Variants in CYP46A1 observed in about 807,000 individuals in gnomAD.
CYP46A1 encodes cholesterol 24-hydroxylase.
A neutral mutation model predicts 63.3 loss-of-function variants in CYP46A1; 20 were observed. That is an observed-to-expected ratio of 0.32 (90% CI 0.22 to 0.46). The LOEUF is 0.46. Among genes scored for constraint, CYP46A1 ranks in the 20% least tolerant of loss-of-function variants. The pLI is 1.00. For missense variants in CYP46A1, 445 were observed against 670.8 expected (o/e 0.66, Z 3.72); for synonymous variants, 268 against 273.6 (o/e 0.98, Z 0.20).
intron 3 of CYP46A1, among the ~76,000 whole-genome samples, chr14:99,694,087 C>CT (rs35408118): frequency 0.3 from 45,794 of 152,004 alleles, 7,718 homozygotes; most frequent in South Asian, 0.39. Context: ...GGCATTTGTC[C>CT]TTTCGCATCT....
intron 7 of CYP46A1, chr14:99,712,346 T>C (rs529661471): frequency 6.6e-6 from 1 of 151,986 alleles, no homozygotes; most frequent in African/African-American, 2.4e-5. Flanking sequence ...AAAGAAGAAG[T>C]CAAACTGTCC....
At position 99,725,450 on chromosome 14, in the gene CYP46A1, C is replaced by A; in HGVS notation, c.1236C>A (p.Asn412Lys). Reference protein sequence around the residue: ...DTYFEDPLTFNPDRFGPGAPK... With the variant: ...DTYFEDPLTFKPDRFGPGAPK... ...ACTTTGAGGACCCGCTGACTTTCAACCCCGATCGCTTCGGCCCTGGAGCAC... is the reference window on the plus strand; with the variant it reads ...ACTTTGAGGACCCGCTGACTTTCAAACCCGATCGCTTCGGCCCTGGAGCAC... The change falls in exon 13 of 15, where the codon AAC (asparagine) becomes AAA (lysine). Residue 412 changes from asparagine to lysine, a missense_variant. Asn to Lys is a moderately conservative substitution (Grantham distance 94). Around this residue, in one of 4 missense-constraint regions of CYP46A1, gnomAD observed 95 missense variants for 156.9 expected, o/e 0.61. Coordinates refer to ENST00000261835, the MANE Select transcript of CYP46A1 (RefSeq NM_006668.2). This position sits in a 1 kb window ranked among gnomAD's most constrained non-coding sequence, Gnocchi z 4.2. 1 of 1,614,158 alleles carries A rather than the reference C, an allele frequency of 6.2e-7. No individual in the cohort carries two copies. Among genetic ancestry groups the A allele is most frequent in the Non-Finnish European group, 8.5e-7 (1 of 1,179,990 alleles).
chr14:99,692,847 AAG>A (rs908207485), intron 3 of CYP46A1, among the ~76,000 whole-genome samples: 2 of 152,068 alleles, frequency 1.3e-5, no homozygotes, highest in African/African-American at 2.4e-5. Context: ...GAAAAAAAAA[AAG>A]AAGTGAAATG....
At chr14:99,718,227 C>A in intron 10 of CYP46A1, 101 bp downstream of exon 10, 1 of 933,412 alleles carries the variant, frequency 1.1e-6, no homozygotes, top group Non-Finnish European at 1.7e-6. Flanking sequence ...CCTCAACATG[C>A]CCTGCTTCCC....
intron 1 of CYP46A1, among the ~76,000 whole-genome samples, chr14:99,686,739 A>G (rs1409660083): frequency 6.6e-6 from 1 of 152,176 alleles, no homozygotes; most frequent in Non-Finnish European, 1.5e-5. Flanking sequence ...TCTACATGTG[A>G]CCTGAGTGTG....
At chr14:99,707,471 C>T (rs1353087063) in intron 6 of CYP46A1, 97 bp from the exon 7 acceptor site, 1 of 905,964 alleles carries the variant, frequency 1.1e-6, no homozygotes, top group Admixed American at 2.0e-5. Context: ...ACCCTTAGCC[C>T]AGAGTCCAGG....
rs977651014 is a variant in CYP46A1, at chr14:99,726,805, T to C, written c.*78T>C. 42 of 1,226,878 alleles carry C rather than the reference T, an allele frequency of 3.4e-5. No homozygotes were observed. The highest frequency in any genetic ancestry group is 1.5e-4 in the Admixed American group (5 of 33,240). 76.0% of individuals were successfully genotyped at this position (1,226,878 alleles called of 1,614,324 possible). ...CTCTGCTGCCCACGGCCACCCACCC[T>C]TCTCCCCTGCCCCGTCCCCTGGGCC... On this transcript the variant is annotated 3_prime_UTR_variant, in exon 15 of 15. Transcript: ENST00000261835.
At chr14:99,699,964 C>CGCGGGGGG in intron 4 of CYP46A1, 51 bp from the exon 5 acceptor site, 1 of 773,854 alleles carries the variant, frequency 1.3e-6, no homozygotes, top group Non-Finnish European at 2.1e-6. Context: ...ATCAAGCAGT[C>CGCGGGGGG]GCTCCCCACC....
chr14:99,701,081 A>G (rs1416056151), intron 5 of CYP46A1, among the ~76,000 whole-genome samples: 1 of 152,268 alleles, frequency 6.6e-6, no homozygotes, highest in South Asian at 2.1e-4. Flanking sequence ...TTTTTGTACA[A>G]TTGAACAGTG....
intron 1 of CYP46A1, among the ~76,000 whole-genome samples, chr14:99,685,547 G>A (rs1418749280): frequency 2.0e-5 from 3 of 152,064 alleles, no homozygotes; most frequent in Admixed American, 6.5e-5. Flanking sequence ...GGAGGACAGG[G>A]ACACTCTGTG....
chr14:99,726,097 C>A, intron 13 of CYP46A1, 93 bp from the exon 14 acceptor site: 1 of 1,144,598 alleles, frequency 8.7e-7, no homozygotes, highest in Non-Finnish European at 1.3e-6. Flanking sequence ...AGTCTGTGTT[C>A]ATCCAGACCT....
At chr14:99,694,220 A>G (rs1245957186) in intron 3 of CYP46A1, among the ~76,000 whole-genome samples, 1 of 151,102 alleles carries the variant, frequency 6.6e-6, no homozygotes, top group African/African-American at 2.4e-5. Flanking sequence ...GATAATTCAC[A>G]TATTTCAAGA....
rs1183777778 is a variant in CYP46A1 at position 99,722,644 on chromosome 14, C to T, written c.1176+578C>T. Among the ~76,000 whole-genome samples, 1 of 142,160 alleles carries T rather than the reference C, an allele frequency of 7.0e-6. No individual in the cohort carries two copies. Among genetic ancestry groups the T allele is most frequent in the African/African-American group, 2.6e-5 (1 of 39,128 alleles). The allele number at this position is 142,160 out of a possible 152,430, so 93.3% of individuals were successfully genotyped here. A position where few individuals can be genotyped will look rare whatever the true frequency, so the allele number is the denominator to read the frequency against. ...ATCTGAATTGTGTGTTTGCCATTCC[C>T]GTGTGTGTGTGTGTGTGTGTGTGTG... On this transcript the variant is annotated intron_variant, in intron 12 of 14. Coordinates refer to ENST00000261835, the MANE Select transcript of CYP46A1 (RefSeq NM_006668.2). The surrounding 1 kb of genome is among the most constrained non-coding windows in gnomAD (Gnocchi z 4.6).
chr14:99,700,801 T>C (rs1020252440), intron 5 of CYP46A1, among the ~76,000 whole-genome samples: 7 of 152,238 alleles, frequency 4.6e-5, no homozygotes, highest in Non-Finnish European at 8.8e-5. Flanking sequence ...AAAAGTTTAC[T>C]ATACAACAGC....
intron 12 of CYP46A1, chr14:99,723,244 C>T (rs961201008): frequency 4.0e-5 from 7 of 176,660 alleles, no homozygotes; most frequent in Admixed American, 2.9e-4. Context: ...TGTGTTTTTT[C>T]GTATTGCTAT....
chr14:99,701,924 G>A (rs2056634128), intron 5 of CYP46A1, among the ~76,000 whole-genome samples: 1 of 152,080 alleles, frequency 6.6e-6, no homozygotes, highest in African/African-American at 2.4e-5. Flanking sequence ...ACAAAAATTA[G>A]CTGGGTGTGG....
Position 99,703,889 on chromosome 14 carries a change from T to C in CYP46A1, c.444-2758T>C, listed in dbSNP as rs140769021. 390 of 984,394 alleles carry C rather than the reference T, an allele frequency of 4.0e-4. 6 individuals are homozygous for C. In the South Asian group the frequency reaches 0.015, roughly 37 times the overall value. 61.0% of individuals were successfully genotyped at this position (984,394 alleles called of 1,614,324 possible). ...ACTGGAAAGTTGTCAGAAGTGAAAA[T>C]GGGAAGGAGTAGACTGGAAAGAGAC... On this transcript the variant is annotated intron_variant, in intron 5 of 14. Transcript: ENST00000261835.
rs545736862 is a variant in CYP46A1, at chr14:99,691,273, C to T, written c.200+112C>T. The T allele has an allele frequency of 2.3e-4, 248 of 1,061,342 alleles. 1 individual carries two copies. In the African/African-American group the frequency reaches 2.9e-3, roughly 12 times the overall value. The allele number at this position is 1,061,342 out of a possible 1,614,324, so 65.7% of individuals were successfully genotyped here. A position where few individuals can be genotyped will look rare whatever the true frequency, so the allele number is the denominator to read the frequency against. On this transcript the variant is annotated intron_variant, in intron 2 of 14. Transcript: ENST00000261835. The stretch of plus-strand genomic sequence containing the variant: ...CCTCACCTTCCCCTAGCCCAGGTTA[C>T]TCCCAGCCCCAGCAGTTCCTCCCCT...
Position 99,727,098 on chromosome 14 carries a change from C to T in CYP46A1, c.*371C>T. ...CCACCCCCCGCCGGCAGGGGCCCCT[C>T]CTCTGTGCTCCCTCGGTCACCTGTG... On this transcript the variant is annotated 3_prime_UTR_variant, in exon 15 of 15. Coordinates refer to ENST00000261835, the MANE Select transcript of CYP46A1 (RefSeq NM_006668.2). 4.2e-6 allele frequency: 1 copy of T among 235,864 alleles called. No homozygotes were observed. Among genetic ancestry groups the T allele is most frequent in the Non-Finnish European group, 8.2e-6 (1 of 121,394 alleles). 14.6% of individuals were successfully genotyped at this position (235,864 alleles called of 1,614,324 possible).
Sources: allele counts gnomAD v4.1 joint callset (sites outside exome capture counted in the v4.1 genomes callset), GRCh38; gene constraint gnomAD v4.1.1; regional missense constraint gnomAD v4.1.1; non-coding constraint Gnocchi (gnomAD v3.1); transcripts MANE v1.5; gene names NCBI Gene and HGNC (gene_info 2026-07-23, HGNC 2026-07-21).